TXNL4A: variants seen among roughly 807,000 people sequenced by gnomAD.
TXNL4A encodes the protein thioredoxin-like protein 4A.
In TXNL4A, 17 loss-of-function variants were observed where a neutral mutation model predicts 14.6. The ratio of observed to expected loss-of-function variants is 1.16; its 90% CI spans 0.80 to 1.74. The LOEUF (loss-of-function observed/expected upper bound fraction) is 1.74. TXNL4A is among the 40% of genes most tolerant of loss of function. The probability of loss-of-function intolerance (pLI) is 0.00; values close to 1 mark genes in which losing one functional copy is unlikely to be tolerated. For missense variants in TXNL4A, 74 were observed against 195.2 expected (o/e 0.38, Z 3.70); for synonymous variants, 83 against 70.6 (o/e 1.18, Z -0.88).
chr18:79,986,532 G>T, intron 1 of TXNL4A: 1 of 971,682 alleles, frequency 1.0e-6, no homozygotes, highest in African/African-American at 1.8e-5. Flanking sequence ...GATTCATTCT[G>T]TAATAACAAA....
At chr18:79,991,120 A>C (rs1028016672), upstream of TXNL4A, among the ~76,000 whole-genome samples, 7 of 151,882 alleles carry the variant, frequency 4.6e-5, no homozygotes, top group African/African-American at 7.3e-5. Flanking sequence ...AAAAAAAAAA[A>C]AAAAAAAACT....
At chr18:80,003,192 G>C (rs185802363) in intron 1 of TXNL4A, among the ~76,000 whole-genome samples, 2 of 152,214 alleles carry the variant, frequency 1.3e-5, no homozygotes, top group Non-Finnish European at 2.9e-5. Context: ...CAAGTCCAGC[G>C]CTGGGTGGCT....
chr18:80,006,070 G>A (rs115385560), intron 1 of TXNL4A, among the ~76,000 whole-genome samples: 23 of 152,000 alleles, frequency 1.5e-4, no homozygotes, highest in African/African-American at 5.5e-4. Context: ...GGCCAGCCTG[G>A]GCAAGATAGA....
chr18:79,988,601 T>G (rs2051596441), upstream of TXNL4A: 1 of 421,518 alleles, frequency 2.4e-6, no homozygotes, highest in Admixed American at 4.7e-5. Flanking sequence ...GCTGACGGCA[T>G]GCGCGCGCGC....
chr18:79,971,204 G>A lies in TXNL4A; in HGVS notation c.*2481C>T, dbSNP rs1026746362. On this transcript the variant is annotated 3_prime_UTR_variant, in exon 3 of 3. Transcript: ENST00000269601. ...CTATGGATGGACATTTTGTTTAACC[G>A]TTCATCTGTTGATGGACACGTGGGT... 3 of 152,200 alleles carry A rather than the reference G, an allele frequency of 2.0e-5. No individual in the cohort carries two copies. The highest frequency in any genetic ancestry group is 7.2e-5 in the African/African-American group (3 of 41,444). 9.4% of individuals were successfully genotyped at this position (152,200 alleles called of 1,614,324 possible).
intron 1 of TXNL4A, among the ~76,000 whole-genome samples, chr18:80,027,965 A>G (rs1041929665): frequency 1.3e-5 from 2 of 152,150 alleles, no homozygotes; most frequent in Non-Finnish European, 2.9e-5. Flanking sequence ...TATGACTCAA[A>G]CTCTGTAGGC....
chr18:79,985,151 A>C (rs1271898157), intron 1 of TXNL4A, among the ~76,000 whole-genome samples: 1 of 152,172 alleles, frequency 6.6e-6, no homozygotes, highest in Non-Finnish European at 1.5e-5. Flanking sequence ...AGACAGCTCA[A>C]AGGTCCATGA....
intron 1 of TXNL4A, among the ~76,000 whole-genome samples, chr18:80,010,388 C>T (rs376367036): frequency 3.9e-5 from 6 of 152,052 alleles, no homozygotes; most frequent in African/African-American, 1.4e-4. Flanking sequence ...TGGCCCAGCA[C>T]CAGTTAGAAG....
chr18:80,031,865 T>A (rs945033842), intron 1 of TXNL4A, among the ~76,000 whole-genome samples: 5 of 152,258 alleles, frequency 3.3e-5, no homozygotes, highest in African/African-American at 1.2e-4. Context: ...ACTGATTGGT[T>A]GAGCAGCTGG....
At chr18:79,975,422 A>C (rs1257492458) in intron 2 of TXNL4A, among the ~76,000 whole-genome samples, 1 of 152,244 alleles carries the variant, frequency 6.6e-6, no homozygotes, top group African/African-American at 2.4e-5. Context: ...ATCAGTCCTA[A>C]AAATATCAAA....
intron 1 of TXNL4A, among the ~76,000 whole-genome samples, chr18:80,017,763 G>A (rs1383955259): frequency 6.6e-6 from 1 of 151,892 alleles, no homozygotes; most frequent in South Asian, 2.1e-4. Flanking sequence ...GATTCGGTTT[G>A]CCAGTATTTT....
intron 2 of TXNL4A, chr18:79,976,598 G>A (rs1036608005): frequency 9.9e-6 from 3 of 301,726 alleles, no homozygotes; most frequent in African/African-American, 6.8e-5. Flanking sequence ...CTGGATGTCT[G>A]ACTTACAGAA....
upstream of TXNL4A, among the ~76,000 whole-genome samples, chr18:79,989,177 T>C (rs985376282): frequency 2.0e-5 from 3 of 152,156 alleles, no homozygotes; most frequent in Admixed American, 2.0e-4. Context: ...TGCAGTGACG[T>C]GATCTTGGCC....
At chr18:79,975,720 T>C (rs552427773) in intron 2 of TXNL4A, among the ~76,000 whole-genome samples, 10 of 152,252 alleles carry the variant, frequency 6.6e-5, no homozygotes, top group African/African-American at 2.4e-4. Flanking sequence ...GGACCCCCGT[T>C]ACAGAGTGGC....
At chr18:79,989,346 G>C (rs1329999220), upstream of TXNL4A, among the ~76,000 whole-genome samples, 3 of 151,926 alleles carry the variant, frequency 2.0e-5, no homozygotes, top group Non-Finnish European at 4.4e-5. Flanking sequence ...CTGACCTCAA[G>C]TGATCTGCCC....
intron 1 of TXNL4A, among the ~76,000 whole-genome samples, chr18:80,023,029 A>T (rs1258171995): frequency 2.0e-5 from 3 of 152,242 alleles, no homozygotes; most frequent in African/African-American, 7.2e-5. Context: ...GGGTGTTTTA[A>T]TACCATATTT....
At chr18:79,984,292 T>C (rs1016724596) in intron 1 of TXNL4A, among the ~76,000 whole-genome samples, 1 of 152,156 alleles carries the variant, frequency 6.6e-6, no homozygotes, top group Admixed American at 6.5e-5. Context: ...ACACACAATT[T>C]ATTAGAATGT....
chr18:79,974,331 C>G (rs2051346902), intron 2 of TXNL4A, among the ~76,000 whole-genome samples: 1 of 152,142 alleles, frequency 6.6e-6, no homozygotes, highest in Admixed American at 6.5e-5. Context: ...GTATTAAAAG[C>G]CCTTCAACTA....
chr18:79,990,327 G>A (rs1296557076), upstream of TXNL4A, among the ~76,000 whole-genome samples: 1 of 152,238 alleles, frequency 6.6e-6, no homozygotes, highest in Non-Finnish European at 1.5e-5. Context: ...TTATAATTGA[G>A]TAAAGCAGAG....
Sources: allele counts gnomAD v4.1 joint callset (sites outside exome capture counted in the v4.1 genomes callset), GRCh38; gene constraint gnomAD v4.1.1; transcripts MANE v1.5; gene names NCBI Gene and HGNC (gene_info 2026-07-23, HGNC 2026-07-21).